The following SOX6 variants were observed in gnomAD, a reference collection of about 807,000 sequenced individuals.
SOX6 encodes transcription factor SOX-6.
SOX6 carries 11 observed loss-of-function variants against 97.8 expected under a neutral mutation model. The observed-to-expected ratio is 0.11, with a 90% CI of 0.07 to 0.19. The LOEUF (loss-of-function observed/expected upper bound fraction) is 0.19, where lower values mean the gene tolerates loss of function less well. Among genes scored for constraint, SOX6 ranks in the 10% least tolerant of loss-of-function variants. SOX6 has a pLI of 1.00. For missense variants in SOX6, 810 were observed against 1,039.5 expected (o/e 0.78, Z 3.04); for synonymous variants, 360 against 371.4 (o/e 0.97, Z 0.35).
chr11:16,296,452 G>A (rs111875222), intron 3 of SOX6, among the ~76,000 whole-genome samples: 4 of 152,044 alleles, frequency 2.6e-5, no homozygotes, highest in Non-Finnish European at 5.9e-5. Context: ...GATGGGCAAC[G>A]GAATGCTGTA....
intron 3 of SOX6, among the ~76,000 whole-genome samples, chr11:16,265,584 A>G (rs1264912960): frequency 6.6e-6 from 1 of 151,952 alleles, no homozygotes; most frequent in Non-Finnish European, 1.5e-5. Context: ...GCAGGAAAAT[A>G]TGACCCTAAT....
chr11:16,086,561 G>A (rs1848582232), intron 9 of SOX6, among the ~76,000 whole-genome samples: 1 of 152,104 alleles, frequency 6.6e-6, no homozygotes, highest in South Asian at 2.1e-4. Context: ...CTGCTGGCAT[G>A]CAACCTGCTG....
In SOX6 at chr11:16,056,018, C is replaced by T. The variant is rs529163786; in HGVS notation, c.1102-117G>A. The T allele has an allele frequency of 4.9e-6, 6 of 1,218,848 alleles. No homozygotes were observed. The South Asian group carries it at 5.5e-5, about 11-fold the overall frequency. 75.5% of individuals were successfully genotyped at this position (1,218,848 alleles called of 1,614,324 possible). A position where few individuals can be genotyped will look rare whatever the true frequency, so the allele number is the denominator to read the frequency against. On this transcript the variant is annotated intron_variant, in intron 9 of 15. Transcript: ENST00000683767. ...AGACAGCCTTGTAATTTCTTTTTCA[C>T]TATTTTTAAAAAAGGAAGCTAAGAG...
chr11:16,087,267 A>C (rs1848598766), intron 9 of SOX6, among the ~76,000 whole-genome samples: 1 of 152,298 alleles, frequency 6.6e-6, no homozygotes, highest in African/African-American at 2.4e-5. Context: ...GTACACATAT[A>C]ATATTAATAC....
intron 4 of SOX6, among the ~76,000 whole-genome samples, chr11:16,546,246 A>C (rs1369730855): frequency 1.3e-5 from 2 of 152,184 alleles, no homozygotes; most frequent in Non-Finnish European, 2.9e-5. Context: ...TATTGGTAGA[A>C]TTAATATTGT....
chr11:16,722,601 A>C (rs1215057483), intron 2 of SOX6, among the ~76,000 whole-genome samples: 1 of 152,164 alleles, frequency 6.6e-6, no homozygotes, highest in Non-Finnish European at 1.5e-5. Flanking sequence ...CAGTGAGCCA[A>C]GATCACACCA....
intron 14 of SOX6, 27 bp from the exon 15 acceptor site, chr11:15,986,447 C>G: frequency 6.2e-7 from 1 of 1,609,324 alleles, no homozygotes; most frequent in South Asian, 1.1e-5. Context: ...CCTTAAGTAC[C>G]CAAGTGGTCA....
chr11:16,010,175 A>ACACAC (rs1854675967), intron 13 of SOX6, among the ~76,000 whole-genome samples: 1 of 128,512 alleles, frequency 7.8e-6, no homozygotes, highest in East Asian at 2.5e-4. Context: ...CACACACACA[A>ACACAC]ATAAAGCTTC....
chr11:16,560,543 GTA>G lies in SOX6; in HGVS notation n.609+51536_609+51537del, dbSNP rs1565180651. Among the ~76,000 whole-genome samples the G allele has an allele frequency of 3.0e-4, 25 of 84,594 alleles. 3 individuals carry two copies. Among genetic ancestry groups the G allele is most frequent in the African/African-American group, 4.4e-4 (11 of 24,794 alleles). 55.5% of individuals were successfully genotyped at this position (84,594 alleles called of 152,430 possible). The stretch of plus-strand genomic sequence containing the variant: ...TTTATACGTACATATATGTTTATAC[GTA>G]CATATGTTTATACGTACATATATGT... On this transcript the variant is annotated intron_variant and non_coding_transcript_variant, in intron 4 of 5. Transcript: ENST00000524520.
At chr11:16,314,194 T>C (rs1340304997) in intron 3 of SOX6, 2 of 152,188 alleles carry the variant, frequency 1.3e-5, no homozygotes, top group African/African-American at 4.8e-5. Flanking sequence ...ACCTACTTTT[T>C]CAGTCTTATA....
intron 3 of SOX6, among the ~76,000 whole-genome samples, chr11:16,614,158 G>C (rs1014138550): frequency 3.3e-5 from 5 of 152,216 alleles, no homozygotes; most frequent in Admixed American, 2.0e-4. Context: ...TAACTCCCAG[G>C]GCAGTGGCAG....
intron 13 of SOX6, among the ~76,000 whole-genome samples, chr11:16,003,537 C>T (rs1219429263): frequency 1.3e-5 from 2 of 152,050 alleles, no homozygotes; most frequent in Non-Finnish European, 2.9e-5. Context: ...ACAGTGGTGA[C>T]TGCATTGTGT....
chr11:16,195,829 C>A (rs1459302481), intron 4 of SOX6, among the ~76,000 whole-genome samples: 1 of 152,168 alleles, frequency 6.6e-6, no homozygotes, highest in Admixed American at 6.6e-5. Flanking sequence ...ATGAGAAATA[C>A]ACTCAAATAT....
At chr11:16,017,518 C>T (rs567834836) in intron 12 of SOX6, among the ~76,000 whole-genome samples, 3 of 152,046 alleles carry the variant, frequency 2.0e-5, no homozygotes, top group African/African-American at 4.8e-5. Context: ...CAGAAGATTT[C>T]GTTCTTTTCT....
chr11:16,625,664 G>A (rs552513911), intron 3 of SOX6, among the ~76,000 whole-genome samples: 43 of 152,256 alleles, frequency 2.8e-4, no homozygotes, highest in African/African-American at 1.0e-3. Flanking sequence ...AGGAATGGGG[G>A]ATAGGAATTG....
chr11:16,058,529 T>C (rs1370252478), intron 9 of SOX6, among the ~76,000 whole-genome samples: 2 of 152,112 alleles, frequency 1.3e-5, no homozygotes, highest in Admixed American at 1.3e-4. Context: ...CATAAGGTAA[T>C]GATGCAGAAA....
At chr11:16,360,224 C>G (rs903267086), upstream of SOX6, among the ~76,000 whole-genome samples, 2 of 152,108 alleles carry the variant, frequency 1.3e-5, no homozygotes, top group African/African-American at 4.8e-5. Flanking sequence ...TAAGAGGCAT[C>G]ACCAGAGTTT....
rs192863821 is a variant in SOX6 at position 16,447,413 on chromosome 11, T to G, written c.-5+28902A>C. Among the ~76,000 whole-genome samples the G allele has an allele frequency of 1.7e-4, 26 of 151,452 alleles. No individual in the cohort carries two copies. In the East Asian group the frequency reaches 4.9e-3, roughly 29 times the overall value. On this transcript the variant is annotated intron_variant, in intron 1 of 15. Coordinates refer to the SOX6 transcript ENST00000396356. Reference sequence around the variant, plus strand: ...TTACAGGGTAATTATGAGGATTAAGTGAGAAAATTATTTCTCTCTCTCCTT... The same window carrying G: ...TTACAGGGTAATTATGAGGATTAAGGGAGAAAATTATTTCTCTCTCTCCTT...
At chr11:16,484,460 T>G in intron 4 of SOX6, 1 of 806,276 alleles carries the variant, frequency 1.2e-6, no homozygotes, top group Non-Finnish European at 2.2e-6. Flanking sequence ...GAAGAGCTCC[T>G]CGCACTTCAC....
Sources: gnomAD v4.1 joint callset for allele counts (sites outside exome capture counted in the v4.1 genomes callset) on GRCh38, gnomAD v4.1.1 for gene constraint, MANE v1.5 for transcripts, NCBI Gene and HGNC (gene_info 2026-07-23, HGNC 2026-07-21) for gene names.